NEDD4L: variants seen among roughly 807,000 people sequenced by gnomAD.
NEDD4L encodes E3 ubiquitin-protein ligase NEDD4-like.
NEDD4L carries 54 observed loss-of-function variants against 148.9 expected under a neutral mutation model. The ratio of observed to expected loss-of-function variants is 0.36; its 90% CI spans 0.29 to 0.45. The LOEUF (loss-of-function observed/expected upper bound fraction) is 0.45. Among genes scored for constraint, NEDD4L ranks in the 20% least tolerant of loss-of-function variants. NEDD4L has a pLI of 1.00. For synonymous variants in NEDD4L, 433 were observed against 440.7 expected (o/e 0.98, Z 0.22); for missense variants, 856 against 1,233.8 (o/e 0.69, Z 4.59).
chr18:58,069,590 C>T (rs372819332), intron 1 of NEDD4L, among the ~76,000 whole-genome samples: 36 of 152,200 alleles, frequency 2.4e-4, no homozygotes, highest in African/African-American at 7.2e-4. Flanking sequence ...TCTCAGCACA[C>T]GAATGGGAAG....
At chr18:58,148,231 T>A (rs1369684726) in intron 1 of NEDD4L, among the ~76,000 whole-genome samples, 2 of 151,926 alleles carry the variant, frequency 1.3e-5, no homozygotes, top group African/African-American at 4.8e-5. Flanking sequence ...AGTGGTGTGA[T>A]CTTGGCTCAC....
At chr18:58,361,970 G>A (rs2061735555) in intron 19 of NEDD4L, among the ~76,000 whole-genome samples, 1 of 152,136 alleles carries the variant, frequency 6.6e-6, no homozygotes, top group Non-Finnish European at 1.5e-5. Context: ...AAAGTTTTCA[G>A]GAAGAGAATG....
chr18:58,311,759 G>A (rs2057726711), intron 5 of NEDD4L, among the ~76,000 whole-genome samples: 1 of 152,110 alleles, frequency 6.6e-6, no homozygotes, highest in Non-Finnish European at 1.5e-5. Flanking sequence ...TTGAGAAATT[G>A]AGTCTTGAGT....
chr18:58,065,841 AC>A (rs2082563885), intron 1 of NEDD4L, among the ~76,000 whole-genome samples: 1 of 152,214 alleles, frequency 6.6e-6, no homozygotes, highest in South Asian at 2.1e-4. Context: ...CGTGTTTGCC[AC>A]CACACAGAGT....
intron 18 of NEDD4L, among the ~76,000 whole-genome samples, chr18:58,355,341 T>C (rs1276166765): frequency 6.6e-6 from 1 of 152,156 alleles, no homozygotes; most frequent in Admixed American, 6.5e-5. Context: ...ATACTGCACA[T>C]TGGAATGTAA....
chr18:58,213,203 T>C (rs1166964866), intron 2 of NEDD4L, among the ~76,000 whole-genome samples: 5 of 152,220 alleles, frequency 3.3e-5, no homozygotes, highest in Admixed American at 3.3e-4. Context: ...AAAACTATCA[T>C]ACCTTTCTTC....
chr18:58,234,805 C>T (rs2045813917), intron 2 of NEDD4L, among the ~76,000 whole-genome samples: 1 of 152,192 alleles, frequency 6.6e-6, no homozygotes, highest in Non-Finnish European at 1.5e-5. Flanking sequence ...GATCTTGCCT[C>T]AGGGCTTTCC....
At chr18:58,214,815 T>TTTTTTTTG (rs1291603873) in intron 2 of NEDD4L, among the ~76,000 whole-genome samples, 1 of 127,154 alleles carries the variant, frequency 7.9e-6, no homozygotes, top group East Asian at 2.3e-4. Context: ...TTTTTTTTTT[T>TTTTTTTTG]TTGTTGTTGT....
intron 5 of NEDD4L, among the ~76,000 whole-genome samples, chr18:58,284,304 GATGTCTA>G (rs2053592427): frequency 6.6e-6 from 1 of 152,190 alleles, no homozygotes; most frequent in Non-Finnish European, 1.5e-5. Flanking sequence ...TGGCCAACAT[GATGTCTA>G]ATGCTGATTG....
Position 58,349,397 on chromosome 18 carries a change from A to G in NEDD4L, c.1576-140A>G, listed in dbSNP as rs1193831704. Reference sequence around the variant, plus strand: ...CAGTCAGCCAGGCTTCCTGTACAAAACAGAGATGGGACCCATCTCACGCTC... The same window carrying G: ...CAGTCAGCCAGGCTTCCTGTACAAAGCAGAGATGGGACCCATCTCACGCTC... On this transcript the variant is annotated intron_variant, in intron 16 of 30. Transcript: ENST00000400345. 5.5e-5 allele frequency: 36 copies of G among 660,536 alleles called. 1 individual carries two copies. Among genetic ancestry groups the G allele is most frequent in the South Asian group, 1.6e-4 (9 of 55,646 alleles). The allele number at this position is 660,536 out of a possible 1,614,324, so 40.9% of individuals were successfully genotyped here. A position where few individuals can be genotyped will look rare whatever the true frequency, so the allele number is the denominator to read the frequency against.
intron 1 of NEDD4L, among the ~76,000 whole-genome samples, chr18:58,068,476 G>A (rs1010316529): frequency 3.3e-5 from 5 of 152,214 alleles, no homozygotes; most frequent in African/African-American, 9.6e-5. Context: ...TGGGATTACA[G>A]GCATGAGCCA....
At chr18:58,157,041 A>C (rs551567030) in intron 1 of NEDD4L, among the ~76,000 whole-genome samples, 3 of 150,316 alleles carry the variant, frequency 2.0e-5, no homozygotes, top group Non-Finnish European at 4.4e-5. Flanking sequence ...AAAAAAAAAT[A>C]GCTGGGTATG....
At chr18:58,060,832 C>T (rs1330824969) in intron 1 of NEDD4L, among the ~76,000 whole-genome samples, 1 of 152,066 alleles carries the variant, frequency 6.6e-6, no homozygotes, top group Non-Finnish European at 1.5e-5. Context: ...GATCTCAGCT[C>T]ACTACAACCT....
chr18:58,222,952 T>C (rs891364441), intron 2 of NEDD4L, among the ~76,000 whole-genome samples: 5 of 151,592 alleles, frequency 3.3e-5, no homozygotes, highest in Non-Finnish European at 4.4e-5. Context: ...TTTTAAAGTA[T>C]GTTTGTGCTG....
intron 5 of NEDD4L, among the ~76,000 whole-genome samples, chr18:58,264,057 T>C (rs543512688): frequency 6.6e-6 from 1 of 152,248 alleles, no homozygotes; most frequent in African/African-American, 2.4e-5. Context: ...TCCACTTGAA[T>C]AAAAGAGATA....
chr18:58,309,740 C>T (rs947341840), intron 5 of NEDD4L, among the ~76,000 whole-genome samples: 3 of 152,022 alleles, frequency 2.0e-5, no homozygotes, highest in Non-Finnish European at 2.9e-5. Flanking sequence ...TAGTTGACCC[C>T]GCACCTGGGA....
chr18:58,135,571 T>C (rs2032748203), intron 1 of NEDD4L, among the ~76,000 whole-genome samples: 1 of 152,264 alleles, frequency 6.6e-6, no homozygotes, highest in Non-Finnish European at 1.5e-5. Flanking sequence ...GAGTGCAGAC[T>C]GAAGTTCCGA....
chr18:58,255,833 G>A, intron 5 of NEDD4L: 2 of 1,232,570 alleles, frequency 1.6e-6, no homozygotes, highest in Non-Finnish European at 2.0e-6. Flanking sequence ...AGGCGTGGGT[G>A]CGCTTAAGCG....
chr18:58,139,121 A>G (rs2033199202), intron 1 of NEDD4L, among the ~76,000 whole-genome samples: 2 of 152,344 alleles, frequency 1.3e-5, no homozygotes, highest in South Asian at 2.1e-4. Flanking sequence ...ATCACTTAAT[A>G]TACTTGGCCA....
Sources: gnomAD v4.1 joint callset for allele counts (sites outside exome capture counted in the v4.1 genomes callset) on GRCh38, gnomAD v4.1.1 for gene constraint, MANE v1.5 for transcripts, NCBI Gene and HGNC (gene_info 2026-07-23, HGNC 2026-07-21) for gene names.